PCDHGB6: variants seen among roughly 807,000 people sequenced by gnomAD.
PCDHGB6 encodes protocadherin gamma-B6.
PCDHGB6 carries 51 observed loss-of-function variants against 59.1 expected under a neutral mutation model. The observed-to-expected ratio is 0.86, with a 90% CI of 0.69 to 1.09. The LOEUF is 1.09. PCDHGB6 is among the 50% of genes least tolerant of loss of function. The probability of loss-of-function intolerance (pLI) is 0.00; values close to 1 mark genes in which losing one functional copy is unlikely to be tolerated. For missense variants in PCDHGB6, 1,148 were observed against 1,205.1 expected (o/e 0.95, Z 0.70); for synonymous variants, 466 against 495.1 (o/e 0.94, Z 0.78).
At chr5:141,460,961 A>ATG (rs35821115) in intron 1 of PCDHGB6, among the ~76,000 whole-genome samples, 128 of 144,610 alleles carry the variant, frequency 8.9e-4, no homozygotes, top group Middle Eastern at 7.1e-3. Context: ...GTATATATAT[A>ATG]TGTGTGTGTG....
intron 1 of PCDHGB6, chr5:141,411,443 G>A (rs780563062): frequency 6.6e-6 from 1 of 151,948 alleles, no homozygotes; most frequent in African/African-American, 2.4e-5. Context: ...CATTAGCAGA[G>A]TGTGGTAGCA....
chr5:141,459,295 A>C (rs571675117), intron 1 of PCDHGB6, among the ~76,000 whole-genome samples: 2 of 152,368 alleles, frequency 1.3e-5, no homozygotes, highest in South Asian at 4.1e-4. Context: ...ATGGAATCCT[A>C]TAACATATAC....
At chr5:141,420,025 T>A in intron 1 of PCDHGB6, 1 of 1,614,096 alleles carries the variant, frequency 6.2e-7, no homozygotes, top group Non-Finnish European at 8.5e-7. Context: ...TCAGCCCTAC[T>A]GCAGGAGACT....
chr5:141,455,466 A>G (rs1253494886), intron 1 of PCDHGB6, among the ~76,000 whole-genome samples: 1 of 152,164 alleles, frequency 6.6e-6, no homozygotes, highest in East Asian at 1.9e-4. Flanking sequence ...AGCCAGGTAT[A>G]TATGCAGAGG....
At chr5:141,470,485 GAAT>G (rs2099231720) in intron 1 of PCDHGB6, among the ~76,000 whole-genome samples, 1 of 152,074 alleles carries the variant, frequency 6.6e-6, no homozygotes, top group Admixed American at 6.6e-5. Context: ...AACCCTCTGG[GAAT>G]AATATTAGGT....
chr5:141,505,589 C>T, intron 3 of PCDHGB6, 108 bp downstream of exon 3: 1 of 1,573,272 alleles, frequency 6.4e-7, no homozygotes, highest in Non-Finnish European at 8.6e-7. Context: ...GTAGTTTCTC[C>T]AGATCTTTCG....
chr5:141,418,810 A>G lies in PCDHGB6; in HGVS notation c.2418+8190A>G, dbSNP rs149866479. The G allele has an allele frequency of 4.9e-3, 7,975 of 1,613,892 alleles. 44 individuals carry two copies. Among genetic ancestry groups the G allele is most frequent in the Admixed American group, 9.4e-3 (567 of 60,018 alleles). On this transcript the variant is annotated intron_variant, in intron 1 of 3. Coordinates refer to ENST00000520790, the MANE Select transcript of PCDHGB6 (RefSeq NM_018926.3). ...TTGAAGAAGTAGAAAGATATACGAT[A>G]AACATAGAAGCAAAAGACCGAGGAT...
At chr5:141,413,092 T>C in intron 1 of PCDHGB6, 1 of 1,429,614 alleles carries the variant, frequency 7.0e-7, no homozygotes, top group Non-Finnish European at 9.4e-7. Context: ...AGAGACACCC[T>C]GAAGCCACAG....
At chr5:141,508,732 C>A (rs1037039751) in intron 3 of PCDHGB6, among the ~76,000 whole-genome samples, 3 of 151,880 alleles carry the variant, frequency 2.0e-5, no homozygotes, top group Non-Finnish European at 4.4e-5. Flanking sequence ...GGAGACTACA[C>A]CCCCCACCCC....
intron 1 of PCDHGB6, among the ~76,000 whole-genome samples, chr5:141,445,582 T>C (rs886701142): frequency 6.6e-6 from 1 of 152,214 alleles, no homozygotes; most frequent in Non-Finnish European, 1.5e-5. Context: ...TAGGGAAGCT[T>C]CGCCTAATCT....
Position 141,491,916 on chromosome 5 carries a change from G to T in PCDHGB6, c.2419-2891G>T. ...GAGCACCGGGGGTGGTGGCGACTGT[G>T]GGCGAGGGGAGGTGGGACCGACCCC... On this transcript the variant is annotated intron_variant, in intron 1 of 3. Transcript: ENST00000520790. The surrounding 1 kb of genome is among the most constrained non-coding windows in gnomAD (Gnocchi z 6.9). 2 of 1,386,662 alleles carry T rather than the reference G, an allele frequency of 1.4e-6. No homozygotes were observed. Among genetic ancestry groups the T allele is most frequent in the African/African-American group, 1.5e-5 (1 of 68,510 alleles). The allele number at this position is 1,386,662 out of a possible 1,614,324, so 85.9% of individuals were successfully genotyped here.
At chr5:141,425,413 T>G (rs2096873899) in intron 1 of PCDHGB6, among the ~76,000 whole-genome samples, 1 of 152,202 alleles carries the variant, frequency 6.6e-6, no homozygotes, top group African/African-American at 2.4e-5. Context: ...AGGTATAACA[T>G]ATAGTCCCAT....
At chr5:141,465,887 C>A (rs1267304672) in intron 1 of PCDHGB6, among the ~76,000 whole-genome samples, 1 of 152,040 alleles carries the variant, frequency 6.6e-6, no homozygotes, top group Non-Finnish European at 1.5e-5. Flanking sequence ...CTTTGGGAGG[C>A]CGAGGCGGGC....
At chr5:141,501,510 T>A (rs11744379) in intron 2 of PCDHGB6, among the ~76,000 whole-genome samples, 1 of 151,824 alleles carries the variant, frequency 6.6e-6, no homozygotes, top group African/African-American at 2.4e-5. Flanking sequence ...CTCCAAGGCC[T>A]CCAAGCTGAA....
chr5:141,414,435 C>T lies in PCDHGB6; in HGVS notation c.2418+3815C>T, dbSNP rs891322256. 4.3e-6 allele frequency: 7 copies of T among 1,613,678 alleles called. No homozygotes were observed. In the African/African-American group the frequency reaches 8.0e-5, roughly 18 times the overall value. On this transcript the variant is annotated intron_variant, in intron 1 of 3. Coordinates refer to ENST00000520790, the MANE Select transcript of PCDHGB6 (RefSeq NM_018926.3). ...GAGCCCTTGACAGGGAACAGGTATC[C>T]TCTTACAATATCACAGTGACAGCCA...
At chr5:141,415,306 T>G (rs2095852502) in intron 1 of PCDHGB6, 2 of 1,614,222 alleles carry the variant, frequency 1.2e-6, no homozygotes, top group Non-Finnish European at 8.5e-7. Context: ...CTTCCTGGCC[T>G]TCGTCATCGT....
chr5:141,413,904 G>T (rs1230344912), intron 1 of PCDHGB6: 3 of 1,613,160 alleles, frequency 1.9e-6, no homozygotes, highest in East Asian at 2.2e-5. Context: ...ATGACAACGC[G>T]CCGGTCTTCA....
chr5:141,483,811 C>A (rs1252197546), intron 1 of PCDHGB6, among the ~76,000 whole-genome samples: 1 of 152,102 alleles, frequency 6.6e-6, no homozygotes, highest in Non-Finnish European at 1.5e-5. Flanking sequence ...CTTTTTTTGG[C>A]AGCCAGTGTA....
chr5:141,437,638 A>G (rs192433359), intron 1 of PCDHGB6, among the ~76,000 whole-genome samples: 1 of 152,250 alleles, frequency 6.6e-6, no homozygotes, highest in Admixed American at 6.5e-5. Context: ...TGTCAGGTTC[A>G]GAAAAGCAAA....
Sources: gnomAD v4.1 joint callset for allele counts (sites outside exome capture counted in the v4.1 genomes callset) on GRCh38, gnomAD v4.1.1 for gene constraint, Gnocchi (gnomAD v3.1) non-coding constraint, MANE v1.5 for transcripts, NCBI Gene and HGNC (gene_info 2026-07-23, HGNC 2026-07-21) for gene names.